The following LAMA2 variants were observed in gnomAD, a reference collection of about 807,000 sequenced individuals.
The protein encoded by LAMA2 is laminin subunit alpha-2.
A neutral mutation model predicts 364.8 loss-of-function variants in LAMA2; 269 were observed. The observed-to-expected ratio is 0.74, with a 90% CI of 0.67 to 0.82. The LOEUF (loss-of-function observed/expected upper bound fraction) is 0.82, where lower values mean the gene tolerates loss of function less well. Ranked by LOEUF, LAMA2 falls within the 40% of genes least tolerant of loss-of-function variation. The pLI is 0.00. For missense variants in LAMA2, 3,807 were observed against 3,873.2 expected, an observed-to-expected ratio of 0.98 and a Z score of 0.45; for synonymous variants, 1,379 against 1,370.6, an observed-to-expected ratio of 1.01 and a Z score of -0.14.
At chr6:129,125,418 A>G (rs1777055432) in intron 4 of LAMA2, among the ~76,000 whole-genome samples, 1 of 152,320 alleles carries the variant, frequency 6.6e-6, no homozygotes, top group Admixed American at 6.5e-5. Flanking sequence ...GACCTAGAAA[A>G]GTAACAGTCT....
rs74931321 is a variant in LAMA2 at position 128,955,494 on chromosome 6, A to G, written c.112+72137A>G. 1.9e-3 allele frequency among the ~76,000 whole-genome samples: 289 copies of G among 152,040 alleles called. 2 individuals are homozygous for G. The highest frequency in any genetic ancestry group is 6.3e-3 in the African/African-American group (260 of 41,552). ...TTTCGTTATAGATTCCCTCGTTGAAACTCAAAAACAGAAGGCAAAATATGT... is the reference window on the plus strand; with the variant it reads ...TTTCGTTATAGATTCCCTCGTTGAAGCTCAAAAACAGAAGGCAAAATATGT... On this transcript the variant is annotated intron_variant, in intron 1 of 64. Coordinates refer to ENST00000421865, the MANE Select transcript of LAMA2 (RefSeq NM_000426.4).
intron 3 of LAMA2, among the ~76,000 whole-genome samples, chr6:129,095,867 G>T (rs1484855844): frequency 1.3e-5 from 2 of 151,720 alleles, no homozygotes; most frequent in Admixed American, 1.3e-4. Context: ...AGGTTGCAGT[G>T]AGCCAAGCTT....
intron 1 of LAMA2, among the ~76,000 whole-genome samples, chr6:128,920,763 T>A (rs1392382561): frequency 6.6e-6 from 1 of 151,620 alleles, no homozygotes; most frequent in Admixed American, 6.6e-5. Flanking sequence ...GTTGAACAAA[T>A]TCATGAGACA....
intron 1 of LAMA2, among the ~76,000 whole-genome samples, chr6:128,942,927 T>C (rs34980992): frequency 0.13 from 19,431 of 152,098 alleles, 1,562 homozygotes; most frequent in African/African-American, 0.23. Flanking sequence ...CAATCGTAGT[T>C]TCAGTGAGGA....
chr6:129,389,119 G>C (rs764538782), intron 35 of LAMA2, among the ~76,000 whole-genome samples: 1 of 152,228 alleles, frequency 6.6e-6, no homozygotes, highest in South Asian at 2.1e-4. Context: ...CATATGTCAA[G>C]GTATAACTGT....
At chr6:129,133,687 A>G (rs1426293094) in intron 4 of LAMA2, among the ~76,000 whole-genome samples, 1 of 152,224 alleles carries the variant, frequency 6.6e-6, no homozygotes, top group Non-Finnish European at 1.5e-5. Context: ...GTATGATTCC[A>G]TAAATTTAAA....
At chr6:129,508,225 T>A (rs1011723477) in intron 62 of LAMA2, among the ~76,000 whole-genome samples, 1 of 90,166 alleles carries the variant, frequency 1.1e-5, no homozygotes, top group Non-Finnish European at 2.9e-5. Flanking sequence ...AATTTTTTAA[T>A]CCTTTAATTT....
intron 41 of LAMA2, among the ~76,000 whole-genome samples, chr6:129,433,001 C>T (rs975381604): frequency 6.6e-6 from 1 of 152,192 alleles, no homozygotes; most frequent in Admixed American, 6.5e-5. Flanking sequence ...CATAACCTGA[C>T]TCCCTGTGAA....
At chr6:129,022,973 T>C (rs890988497) in intron 1 of LAMA2, among the ~76,000 whole-genome samples, 19 of 152,264 alleles carry the variant, frequency 1.2e-4, no homozygotes, top group Middle Eastern at 3.4e-3. Flanking sequence ...ACTCCATCCA[T>C]TGTCTTTTTT....
chr6:128,989,714 A>C (rs1020932890), intron 1 of LAMA2, among the ~76,000 whole-genome samples: 1 of 152,228 alleles, frequency 6.6e-6, no homozygotes, highest in Non-Finnish European at 1.5e-5. Context: ...AACTAAGAAT[A>C]GTTATAAATA....
chr6:129,342,328 C>T lies in LAMA2; in HGVS notation c.4312-15C>T, dbSNP rs1365245420. 1 of 1,610,800 alleles carries T rather than the reference C, an allele frequency of 6.2e-7. No homozygotes were observed. Among genetic ancestry groups the T allele is most frequent in the South Asian group, 1.1e-5 (1 of 91,028 alleles). On this transcript the variant is annotated splice_polypyrimidine_tract_variant and intron_variant, in intron 29 of 64. Transcript: ENST00000421865. The stretch of plus-strand genomic sequence containing the variant: ...CTAAATTAAAAACAAACTTCTTCTC[C>T]CTTTTCCTTTACAGAATTGTCAACA...
intron 1 of LAMA2, among the ~76,000 whole-genome samples, chr6:129,037,905 G>A (rs796726805): frequency 5.3e-4 from 81 of 152,132 alleles, no homozygotes; most frequent in African/African-American, 1.7e-3. Flanking sequence ...TCCTGACCTC[G>A]TGATCTGCCC....
rs1261125323 is a variant in LAMA2 at position 129,129,932 on chromosome 6, A to T, written c.640-13969A>T. Among the ~76,000 whole-genome samples the T allele has an allele frequency of 5.3e-5, 8 of 151,894 alleles. 1 individual carries two copies. The highest frequency in any genetic ancestry group is 1.9e-4 in the African/African-American group (8 of 41,460). Reference sequence around the variant, plus strand: ...GAGCGAGATTCCGTCTCAAAAAAAAAAAAAAAAAAAATAACATATTTTAGA... The same window carrying T: ...GAGCGAGATTCCGTCTCAAAAAAAATAAAAAAAAAAATAACATATTTTAGA... On this transcript the variant is annotated intron_variant, in intron 4 of 64. Transcript: ENST00000421865.
intron 1 of LAMA2, among the ~76,000 whole-genome samples, chr6:129,013,446 A>AG (rs1181863004): frequency 6.6e-6 from 1 of 152,126 alleles, no homozygotes; most frequent in Non-Finnish European, 1.5e-5. Flanking sequence ...CAAAAAAAAA[A>AG]AAATTTTTTT....
chr6:129,103,272 G>A (rs755307184), intron 4 of LAMA2, among the ~76,000 whole-genome samples: 2 of 152,164 alleles, frequency 1.3e-5, no homozygotes, highest in South Asian at 2.1e-4. Flanking sequence ...AAATAGAAGC[G>A]AAGTTGCACA....
At chr6:129,193,869 AT>A (rs1359011624) in intron 12 of LAMA2, among the ~76,000 whole-genome samples, 1 of 152,202 alleles carries the variant, frequency 6.6e-6, no homozygotes, top group Non-Finnish European at 1.5e-5. Flanking sequence ...TACTCAGTGA[AT>A]GGGAACTGGT....
intron 10 of LAMA2, among the ~76,000 whole-genome samples, chr6:129,187,490 C>G (rs1201607896): frequency 6.6e-6 from 1 of 151,732 alleles, no homozygotes; most frequent in Non-Finnish European, 1.5e-5. Flanking sequence ...TTAAGTTACT[C>G]AAGTATAGTT....
intron 12 of LAMA2, among the ~76,000 whole-genome samples, chr6:129,243,047 A>G (rs1267274321): frequency 6.6e-6 from 1 of 152,082 alleles, no homozygotes; most frequent in Non-Finnish European, 1.5e-5. Context: ...AGAAAATAAA[A>G]GCTAATCCAT....
chr6:129,121,306 A>T (rs956063064), intron 4 of LAMA2, among the ~76,000 whole-genome samples: 3 of 152,340 alleles, frequency 2.0e-5, no homozygotes, highest in East Asian at 1.9e-4. Context: ...AAAGATATTT[A>T]AAAAAATTTT....
Sources: gnomAD v4.1 joint callset for allele counts (sites outside exome capture counted in the v4.1 genomes callset) on GRCh38, gnomAD v4.1.1 for gene constraint, MANE v1.5 for transcripts, NCBI Gene and HGNC (gene_info 2026-07-23, HGNC 2026-07-21) for gene names.